The following CYP4A22 variants were observed in gnomAD, a reference collection of about 807,000 sequenced individuals.
CYP4A22 encodes cytochrome P450 family 4 subfamily A member 22.
In CYP4A22, 46 loss-of-function variants were observed where a neutral mutation model predicts 56.2. The observed-to-expected ratio is 0.82, with a 90% CI of 0.65 to 1.05. CYP4A22 has a LOEUF of 1.05. Ranked by LOEUF, CYP4A22 falls within the 50% of genes least tolerant of loss-of-function variation. The probability of loss-of-function intolerance (pLI) is 0.00; values close to 1 mark genes in which losing one functional copy is unlikely to be tolerated. For missense variants in CYP4A22, 541 were observed against 645.9 expected (o/e 0.84, Z 1.76); for synonymous variants, 193 against 251.1 (o/e 0.77, Z 2.19).
intron 1 of CYP4A22, among the ~76,000 whole-genome samples, 190 bp downstream of exon 1, chr1:47,137,870 T>TGAA (rs1644961935): frequency 2.6e-5 from 4 of 152,208 alleles, no homozygotes; most frequent in African/African-American, 7.2e-5. Flanking sequence ...AAGCCCATCC[T>TGAA]GCTGGTCCTC....
chr1:47,139,940 G>A (rs961025236), intron 1 of CYP4A22, among the ~76,000 whole-genome samples: 2 of 152,242 alleles, frequency 1.3e-5, no homozygotes, highest in African/African-American at 4.8e-5. Flanking sequence ...GGGCCCAGAA[G>A]AGTGAGCAGG....
rs756331644 is a variant in CYP4A22, at chr1:47,145,895, C to T, written c.1252C>T (p.Leu418Phe). 1 of 1,614,042 alleles carries T rather than the reference C, an allele frequency of 6.2e-7. No individual in the cohort carries two copies. Among genetic ancestry groups the T allele is most frequent in the Non-Finnish European group, 8.5e-7 (1 of 1,180,038 alleles). The change falls in exon 10 of 12, where the codon CTT becomes TTT. Residue 418 changes from leucine (L) to phenylalanine (F), a missense_variant. By Grantham distance (22) the Leu-to-Phe change is conservative. Coordinates refer to ENST00000371891, the MANE Select transcript of CYP4A22 (RefSeq NM_001010969.4). The part of the protein sequence containing the change: ...GIMVLLSIYG[L>F]HHNPKVWPNL... ...CATGGTCCTCCTCTCCATTTATGGC[C>T]TTCACCACAACCCAAAAGTGTGGCC...
intron 9 of CYP4A22, among the ~76,000 whole-genome samples, chr1:47,145,439 T>C (rs35323795): frequency 1.3e-5 from 2 of 152,318 alleles, no homozygotes; most frequent in East Asian, 1.9e-4. Context: ...CCAGTCCTGC[T>C]ATAACCTAGT....
rs1644998290 is a variant in CYP4A22 at position 47,140,760 on chromosome 1, C to T, written c.196-20C>T. 2.5e-6 allele frequency: 4 copies of T among 1,613,502 alleles called. No homozygotes were observed. The highest frequency in any genetic ancestry group is 3.3e-5 in the Admixed American group (2 of 59,970). ...ACTAGAAGTAAATGAAAGTGTTCATCTGTCTACCCTCGTTGACAGTTCCAA... is the reference window on the plus strand; with the variant it reads ...ACTAGAAGTAAATGAAAGTGTTCATTTGTCTACCCTCGTTGACAGTTCCAA... On this transcript the variant is annotated intron_variant, in intron 1 of 11. Coordinates refer to ENST00000371891, the MANE Select transcript of CYP4A22 (RefSeq NM_001010969.4).
At chr1:47,147,733 C>G (rs1330651136) in intron 11 of CYP4A22, among the ~76,000 whole-genome samples, 2 of 152,156 alleles carry the variant, frequency 1.3e-5, no homozygotes, top group Non-Finnish European at 2.9e-5. Context: ...AGGACATTCT[C>G]AGCCATCTCC....
chr1:47,144,743 G>A lies in CYP4A22; in HGVS notation c.1088+3G>A. ...GGTGATGGAGCCTCCATCACCTGGT[G>A]AGTGAGGGCTCAAAAGATGGGGTTC... On this transcript the variant is annotated splice_donor_region_variant and intron_variant, in intron 8 of 11. Transcript: ENST00000371891. 2 of 1,613,826 alleles carry A rather than the reference G, an allele frequency of 1.2e-6. No individual in the cohort carries two copies. The highest frequency in any genetic ancestry group is 2.2e-5 in the East Asian group (1 of 44,860).
chr1:47,140,752 G>A (rs778528600), intron 1 of CYP4A22, 28 bp from the exon 2 acceptor site: 4 of 1,613,100 alleles, frequency 2.5e-6, no homozygotes, highest in Non-Finnish European at 3.4e-6. Flanking sequence ...GTAAATGAAA[G>A]TGTTCATCTG....
rs1373382126 is a variant in CYP4A22 at position 47,144,353 on chromosome 1, A to G, written c.791-4A>G. The stretch of plus-strand genomic sequence containing the variant: ...TCTGCCTGGTAACCATTGTTCTGGT[A>G]CAGACCAAGTGATCCAACTGAGGAA... On this transcript the variant is annotated splice_polypyrimidine_tract_variant and splice_region_variant and intron_variant, in intron 6 of 11. Transcript: ENST00000371891. The G allele has an allele frequency of 1.9e-6, 3 of 1,613,838 alleles. No homozygotes were observed. Among genetic ancestry groups the G allele is most frequent in the Non-Finnish European group, 2.5e-6 (3 of 1,179,796 alleles).
intron 1 of CYP4A22, among the ~76,000 whole-genome samples, chr1:47,139,002 T>C (rs1644977503): frequency 6.6e-6 from 1 of 152,242 alleles, no homozygotes. Flanking sequence ...AGAACCAATG[T>C]GGGGACCTGA....
intron 1 of CYP4A22, among the ~76,000 whole-genome samples, chr1:47,138,490 C>G (rs904860482): frequency 6.6e-6 from 1 of 152,214 alleles, no homozygotes; most frequent in Non-Finnish European, 1.5e-5. Context: ...AATCCTGGCA[C>G]AGCTTGATGG....
chr1:47,144,846 G>A lies in CYP4A22; in HGVS notation c.1098G>A (p.Leu366=). 1 of 1,613,818 alleles carries A rather than the reference G, an allele frequency of 6.2e-7. No homozygotes were observed. The highest frequency in any genetic ancestry group is 1.1e-5 in the South Asian group (1 of 91,028). ...GDGASITWNH[L]DQMPYTTMCI... is the part of the protein sequence containing the mutation. ...GATGGAATTGTTTCAGGAACCACCT[G>A]GACCAGATGCCCTACACCACCATGT... is the stretch of plus-strand genomic sequence containing the variant. Residue 366 remains leucine (L), a synonymous_variant, in exon 9 of 12, where the codon CTG becomes CTA. Coordinates refer to ENST00000371891, the MANE Select transcript of CYP4A22 (RefSeq NM_001010969.4).
chr1:47,147,155 G>A (rs1645085029), intron 11 of CYP4A22: 1 of 985,420 alleles, frequency 1.0e-6, no homozygotes. Flanking sequence ...TTCAAATGGT[G>A]AGTCCACTTA....
rs545427922 is a variant in CYP4A22 at position 47,140,687 on chromosome 1, T to C, written c.196-93T>C. ...GAAACAGATCTAAATCCCTAACCCG[T>C]GCTACATGGCTCCTGTAGTTGTCCT... On this transcript the variant is annotated intron_variant, in intron 1 of 11. Coordinates refer to ENST00000371891, the MANE Select transcript of CYP4A22 (RefSeq NM_001010969.4). 21 of 1,547,498 alleles carry C rather than the reference T, an allele frequency of 1.4e-5. No homozygotes were observed. In the African/African-American group the frequency reaches 2.3e-4, roughly 17 times the overall value.
At position 47,144,989 on chromosome 1, in the gene CYP4A22, C is replaced by T. The variant is rs1236780377; in HGVS notation, c.1222+19C>T. 1.4e-5 allele frequency: 23 copies of T among 1,613,744 alleles called. No individual in the cohort carries two copies. Among genetic ancestry groups the T allele is most frequent in the Non-Finnish European group, 1.9e-5 (23 of 1,179,784 alleles). On this transcript the variant is annotated intron_variant, in intron 9 of 11. Coordinates refer to ENST00000371891, the MANE Select transcript of CYP4A22 (RefSeq NM_001010969.4). The stretch of plus-strand genomic sequence containing the variant: ...CCCAAAGGTATGAAGTTTCCCCACC[C>T]TCTCACCCAAAGTCTCCACGGGGAC...
chr1:47,137,717 G>C, intron 1 of CYP4A22, 37 bp downstream of exon 1: 1 of 1,575,098 alleles, frequency 6.3e-7, no homozygotes, highest in Admixed American at 1.8e-5. Flanking sequence ...GGAGGGCAAG[G>C]AGGGATGCGG....
At chr1:47,145,133 C>T (rs2897182) in intron 9 of CYP4A22, among the ~76,000 whole-genome samples, 163 bp downstream of exon 9, 3 of 152,142 alleles carry the variant, frequency 2.0e-5, no homozygotes, top group South Asian at 2.1e-4. Context: ...AAAGTCTGGC[C>T]GAGAGCTTGA....
intron 1 of CYP4A22, among the ~76,000 whole-genome samples, chr1:47,138,564 G>T (rs1174318285): frequency 1.6e-4 from 25 of 152,198 alleles, no homozygotes; most frequent in Admixed American, 1.6e-3. Flanking sequence ...TGTAGCTCAG[G>T]ATGGCTTTGA....
intron 9 of CYP4A22, 104 bp downstream of exon 9, chr1:47,145,074 T>C (rs1292981752): frequency 1.1e-5 from 17 of 1,510,110 alleles, no homozygotes; most frequent in Non-Finnish European, 1.5e-5. Flanking sequence ...GGGTCTCCCT[T>C]TTGTTCTAAA....
At position 47,145,913 on chromosome 1, in the gene CYP4A22, G is replaced by T; in HGVS notation, c.1270G>T (p.Val424Leu). The T allele has an allele frequency of 6.2e-7, 1 of 1,614,148 alleles. No individual in the cohort carries two copies. ...SIYGLHHNPK[V>L]WPNLEVFDPS... ...TTATGGCCTTCACCACAACCCAAAA[G>T]TGTGGCCCAACCTAGAGGTATGTGG... The change falls in exon 10 of 12, where the codon GTG becomes TTG. Residue 424 changes from valine (V) to leucine (L), a missense_variant. Transcript: ENST00000371891.
Sources: gnomAD v4.1 joint callset for allele counts (sites outside exome capture counted in the v4.1 genomes callset) on GRCh38, gnomAD v4.1.1 for gene constraint, MANE v1.5 for transcripts, NCBI Gene and HGNC (gene_info 2026-07-23, HGNC 2026-07-21) for gene names.